The following MAPK8 variants were observed in gnomAD, a reference collection of about 807,000 sequenced individuals.
The protein encoded by MAPK8 is JUN N-terminal kinase.
In MAPK8, 13 loss-of-function variants were observed where a neutral mutation model predicts 52.9. The observed-to-expected ratio is 0.25, with a 90% confidence interval of 0.16 to 0.39. MAPK8 has a LOEUF of 0.39. Among genes scored for constraint, MAPK8 ranks in the 10% least tolerant of loss-of-function variants. The probability of loss-of-function intolerance (pLI) is 1.00; values close to 1 mark genes in which losing one functional copy is unlikely to be tolerated. For missense variants in MAPK8, 300 were observed against 519.2 expected, an observed-to-expected ratio of 0.58 and a Z score of 4.10; for synonymous variants, 191 against 169.8, an observed-to-expected ratio of 1.12 and a Z score of -0.97.
intron 1 of MAPK8, among the ~76,000 whole-genome samples, chr10:48,391,051 GGATA>G (rs2041594808): frequency 1.3e-5 from 2 of 152,252 alleles, no homozygotes; most frequent in South Asian, 4.1e-4. Flanking sequence ...GACAAAATTT[GGATA>G]GATACAAAAG....
intron 1 of MAPK8, among the ~76,000 whole-genome samples, chr10:48,383,512 TTTG>T (rs1229248684): frequency 1.3e-5 from 2 of 152,226 alleles, no homozygotes; most frequent in African/African-American, 2.4e-5. Context: ...AAAGGAATTT[TTTG>T]TTGTTCTAAA....
At chr10:48,329,235 C>T (rs1229861446) in intron 1 of MAPK8, among the ~76,000 whole-genome samples, 1 of 152,168 alleles carries the variant, frequency 6.6e-6, no homozygotes. Flanking sequence ...GCCCCTCTTT[C>T]CTCTGCTAGT....
At chr10:48,397,913 G>T (rs939940893) in intron 1 of MAPK8, among the ~76,000 whole-genome samples, 1 of 152,216 alleles carries the variant, frequency 6.6e-6, no homozygotes, top group Middle Eastern at 3.4e-3. Context: ...TATTCTGATT[G>T]TAGTGGAGGT....
In MAPK8 at chr10:48,364,923, A is replaced by C. The variant is rs191550166; in HGVS notation, c.-49-36689A>C. On this transcript the variant is annotated intron_variant, in intron 1 of 11. Transcript: ENST00000374189. ...TACAGATACCTTTAGAATGACAGCA[A>C]ACACTATAAAATTGATTTTTCCAGA... 2.5e-3 allele frequency among the ~76,000 whole-genome samples: 384 copies of C among 152,316 alleles called. 2 individuals carry two copies. Among genetic ancestry groups the C allele is most frequent in the African/African-American group, 7.4e-3 (309 of 41,584 alleles).
rs554758335 is a variant in MAPK8 at position 48,404,904 on chromosome 10, C to T, written c.175C>T (p.Arg59Ter). ...ERNVAIKKLSRPFQNQTHAKR... is the reference protein window; with the variant it reads ...ERNVAIKKLS ...AAATGTTGCAATCAAGAAGCTAAGC[C>T]GACCATTTCAGAATCAGACTCATGC... Residue 59 changes from arginine to a stop codon, truncating the protein, a stop_gained, in exon 3 of 12, where the codon CGA becomes TGA. Transcript: ENST00000374189. LOFTEE classifies it high-confidence loss of function. 1.9e-6 allele frequency: 3 copies of T among 1,609,004 alleles called. No individual in the cohort carries two copies. The highest frequency in any genetic ancestry group is 2.5e-6 in the Non-Finnish European group (3 of 1,176,560).
intron 1 of MAPK8, among the ~76,000 whole-genome samples, chr10:48,396,271 A>G (rs2041882562): frequency 6.6e-6 from 1 of 152,172 alleles, no homozygotes; most frequent in African/African-American, 2.4e-5. Flanking sequence ...AGACAATGCA[A>G]TTAGAAAATG....
At chr10:48,393,416 C>A (rs1483080677) in intron 1 of MAPK8, among the ~76,000 whole-genome samples, 1 of 152,072 alleles carries the variant, frequency 6.6e-6, no homozygotes, top group East Asian at 1.9e-4. Context: ...TACATTGTAA[C>A]CATAGTCAAT....
At chr10:48,326,543 G>A (rs1332768754) in intron 1 of MAPK8, among the ~76,000 whole-genome samples, 1 of 152,106 alleles carries the variant, frequency 6.6e-6, no homozygotes, top group Non-Finnish European at 1.5e-5. Context: ...AGGTGCCCTT[G>A]TTGCTACTGG....
intron 7 of MAPK8, chr10:48,424,381 CTG>C (rs2043545996): frequency 1.5e-6 from 1 of 650,484 alleles, no homozygotes; most frequent in Non-Finnish European, 2.6e-6. Flanking sequence ...AGCACATTCA[CTG>C]TCACTCATTT....
chr10:48,362,737 GTTTT>G (rs10715224), intron 1 of MAPK8, among the ~76,000 whole-genome samples: 1 of 87,736 alleles, frequency 1.1e-5, no homozygotes, highest in Non-Finnish European at 2.2e-5. Context: ...AATTTTATTA[GTTTT>G]TTTTTTTTTT....
intron 1 of MAPK8, among the ~76,000 whole-genome samples, chr10:48,362,990 C>T (rs1027342830): frequency 3.3e-5 from 5 of 152,158 alleles, no homozygotes; most frequent in East Asian, 1.9e-4. Flanking sequence ...CCGCCCACTT[C>T]GGCCTCCCAA....
intron 1 of MAPK8, among the ~76,000 whole-genome samples, chr10:48,317,921 A>G (rs962219247): frequency 1.3e-5 from 2 of 152,152 alleles, no homozygotes; most frequent in Non-Finnish European, 2.9e-5. Flanking sequence ...AAGTGATATC[A>G]GTCAGCCTGG....
rs1589194749 is a variant in MAPK8 at position 48,401,637 on chromosome 10, C to T, written c.-24C>T. ...CTTCTTGGTGAATTTTTGGATGAAG[C>T]CATTAAATTAATTGCTTGCCATCAT... On this transcript the variant is annotated 5_prime_UTR_variant, in exon 2 of 12. Coordinates refer to ENST00000374189, the MANE Select transcript of MAPK8 (RefSeq NM_001323329.2). 1.2e-6 allele frequency: 2 copies of T among 1,607,716 alleles called. No homozygotes were observed. The highest frequency in any genetic ancestry group is 3.4e-5 in the Admixed American group (2 of 58,880).
Position 48,414,535 on chromosome 10 carries a change from C to G in MAPK8, c.450+4367C>G, listed in dbSNP as rs938914524. On this transcript the variant is annotated intron_variant, in intron 5 of 11. Transcript: ENST00000374189. ...TGGCGTAATCATAGTTCACTTGCAG[C>G]CTTGAACTCCTGGGTTCAATAGGTT... Among the ~76,000 whole-genome samples, 5 of 143,082 alleles carry G rather than the reference C, an allele frequency of 3.5e-5. No homozygotes were observed. In the Admixed American group the frequency reaches 3.5e-4, roughly 10 times the overall value. The allele number at this position is 143,082 out of a possible 152,430, so 93.9% of individuals were successfully genotyped here. A position where few individuals can be genotyped will look rare whatever the true frequency, so the allele number is the denominator to read the frequency against.
intron 1 of MAPK8, among the ~76,000 whole-genome samples, chr10:48,312,219 A>T (rs1015902337): frequency 4.6e-5 from 7 of 152,220 alleles, no homozygotes; most frequent in Admixed American, 3.9e-4. Context: ...AATCCAAATC[A>T]TAAGAAAAGG....
At chr10:48,385,726 G>A (rs2041273486) in intron 1 of MAPK8, among the ~76,000 whole-genome samples, 1 of 151,932 alleles carries the variant, frequency 6.6e-6, no homozygotes, top group Non-Finnish European at 1.5e-5. Context: ...TTCATTAGCT[G>A]GACAATTAAA....
intron 1 of MAPK8, among the ~76,000 whole-genome samples, chr10:48,367,418 CAT>C (rs974083478): frequency 6.6e-6 from 1 of 150,628 alleles, no homozygotes; most frequent in East Asian, 1.9e-4. Flanking sequence ...TATATGTTTA[CAT>C]ATATATATAA....
At chr10:48,366,532 G>C (rs118179377) in intron 1 of MAPK8, among the ~76,000 whole-genome samples, 3 of 152,146 alleles carry the variant, frequency 2.0e-5, no homozygotes, top group African/African-American at 7.2e-5. Context: ...CCTAAGTTAG[G>C]TTATAACTTG....
Position 48,363,043 on chromosome 10 carries a change from A to G in MAPK8, c.-49-38569A>G, listed in dbSNP as rs532576200. 5.9e-5 allele frequency among the ~76,000 whole-genome samples: 9 copies of G among 151,916 alleles called. No homozygotes were observed. The South Asian group carries it at 1.5e-3, about 25-fold the overall frequency. On this transcript the variant is annotated intron_variant, in intron 1 of 11. Transcript: ENST00000374189. Reference sequence around the variant, plus strand: ...CGTGAACCGCCACACCTAGCGTGGTATTTATTTTTTAGAAATGGGGCCTCG... The same window carrying G: ...CGTGAACCGCCACACCTAGCGTGGTGTTTATTTTTTAGAAATGGGGCCTCG...
Sources: gnomAD v4.1 joint callset for allele counts (sites outside exome capture counted in the v4.1 genomes callset) on GRCh38, gnomAD v4.1.1 for gene constraint, MANE v1.5 for transcripts, NCBI Gene and HGNC (gene_info 2026-07-23, HGNC 2026-07-21) for gene names.